GALNT2: variants seen among roughly 807,000 people sequenced by gnomAD.
GALNT2 encodes UDP-GalNAc:polypeptide N-acetylgalactosaminyltransferase 2.
A neutral mutation model predicts 81.4 loss-of-function variants in GALNT2; 31 were observed. The ratio of observed to expected loss-of-function variants is 0.38; its 90% CI spans 0.29 to 0.51. The LOEUF (loss-of-function observed/expected upper bound fraction) is 0.51, where lower values mean the gene tolerates loss of function less well. Ranked by LOEUF, GALNT2 falls within the 20% of genes least tolerant of loss-of-function variation. GALNT2 has a pLI of 0.87. For synonymous variants in GALNT2, 303 were observed against 287.4 expected (o/e 1.05, Z -0.55); for missense variants, 629 against 765.7 (o/e 0.82, Z 2.11).
intron 1 of GALNT2, among the ~76,000 whole-genome samples, chr1:230,166,191 G>A (rs1362938102): frequency 6.6e-6 from 1 of 151,976 alleles, no homozygotes; most frequent in African/African-American, 2.4e-5. Context: ...TGGGGTAATA[G>A]TCACACAGCT....
At chr1:230,214,001 C>G (rs1025020881) in intron 3 of GALNT2, among the ~76,000 whole-genome samples, 1 of 152,078 alleles carries the variant, frequency 6.6e-6, no homozygotes, top group African/African-American at 2.4e-5. Context: ...TCTTATATTT[C>G]TATTTTTCTA....
At chr1:230,167,042 G>A (rs1233943647) in intron 1 of GALNT2, among the ~76,000 whole-genome samples, 3 of 151,442 alleles carry the variant, frequency 2.0e-5, no homozygotes, top group East Asian at 1.9e-4. Context: ...TTTCCATTTC[G>A]TTTGTAACCC....
chr1:230,197,347 G>A lies in GALNT2; in HGVS notation c.221-5790G>A, dbSNP rs139850698. Among the ~76,000 whole-genome samples the A allele has an allele frequency of 9.0e-3, 1,367 of 152,286 alleles. 7 individuals carry two copies. The highest frequency in any genetic ancestry group is 0.013 in the Non-Finnish European group (865 of 68,024). On this transcript the variant is annotated intron_variant, in intron 2 of 15. Coordinates refer to ENST00000366672, the MANE Select transcript of GALNT2 (RefSeq NM_004481.5). Reference sequence around the variant, plus strand: ...GGGCATGAATTCAGTGCATCCGCAGGTCTGTACCCCTGCTCGCCTGGGCAG... The same window carrying A: ...GGGCATGAATTCAGTGCATCCGCAGATCTGTACCCCTGCTCGCCTGGGCAG...
rs1459956183 is a variant in GALNT2, at chr1:230,243,775, G to T, written c.729+348G>T. Among the ~76,000 whole-genome samples the T allele has an allele frequency of 6.6e-6, 1 of 152,152 alleles. No homozygotes were observed. Among genetic ancestry groups the T allele is most frequent in the Non-Finnish European group, 1.5e-5 (1 of 68,036 alleles). ...AGCTTCGCAGAGTGCTTAGAACATT[G>T]CCCGGCACCTAGCAAGTGCCATCTC... On this transcript the variant is annotated intron_variant, in intron 7 of 15. Transcript: ENST00000366672. The surrounding 1 kb of genome is among the most constrained non-coding windows in gnomAD (Gnocchi z 4.2).
At chr1:230,160,725 A>AT (rs1431762910) in intron 1 of GALNT2, among the ~76,000 whole-genome samples, 7 of 148,120 alleles carry the variant, frequency 4.7e-5, no homozygotes, top group Admixed American at 4.1e-4. Flanking sequence ...AAAAAAAAAC[A>AT]CGAAACTTTC....
chr1:230,260,108 A>G (rs551241236), intron 11 of GALNT2, among the ~76,000 whole-genome samples: 255 of 152,256 alleles, frequency 1.7e-3, no homozygotes, highest in African/African-American at 6.1e-3. Context: ...TCACTATCTC[A>G]TGTTGGTGCT....
chr1:230,160,518 C>T (rs2102846205), intron 1 of GALNT2, among the ~76,000 whole-genome samples: 1 of 152,116 alleles, frequency 6.6e-6, no homozygotes, highest in South Asian at 2.1e-4. Context: ...TTGAGACCAC[C>T]CTGGCCAACA....
In GALNT2 at chr1:230,246,107, G is replaced by A; in HGVS notation, c.774G>A (p.Met258Ile). The A allele has an allele frequency of 1.2e-6, 2 of 1,614,048 alleles. No individual in the cohort carries two copies. Among genetic ancestry groups the A allele is most frequent in the Non-Finnish European group, 1.7e-6 (2 of 1,179,988 alleles). The change falls in exon 8 of 16, where the codon ATG becomes ATA. Residue 258 changes from methionine (M) to isoleucine (I), a missense_variant. This residue lies in a region of GALNT2 where 360 missense variants were observed against 492.8 expected (regional missense o/e 0.73). Coordinates refer to ENST00000366672, the MANE Select transcript of GALNT2 (RefSeq NM_004481.5). ...VVSPIIDVIN[M>I]DNFQYVGASA... ...CACCCATCATCGATGTCATTAATAT[G>A]GACAACTTTCAGTATGTGGGGGCAT... is the stretch of plus-strand genomic sequence containing the variant.
intron 1 of GALNT2, among the ~76,000 whole-genome samples, chr1:230,125,429 G>C (rs549542320): frequency 1.3e-5 from 2 of 152,198 alleles, no homozygotes; most frequent in East Asian, 3.8e-4. Context: ...GTTTGACAGC[G>C]TCACATATTT....
chr1:230,098,374 A>C (rs1660310136), intron 1 of GALNT2, among the ~76,000 whole-genome samples: 1 of 152,074 alleles, frequency 6.6e-6, no homozygotes, highest in Admixed American at 6.6e-5. Flanking sequence ...TGTAGTGCAG[A>C]GATTTGCTAT....
intron 11 of GALNT2, among the ~76,000 whole-genome samples, chr1:230,260,272 C>T (rs371524480): frequency 2.6e-5 from 4 of 152,180 alleles, no homozygotes; most frequent in East Asian, 3.8e-4. Flanking sequence ...GAGTCTCCCT[C>T]GGTGCCACTG....
At chr1:230,159,200 A>T (rs1662355368) in intron 1 of GALNT2, among the ~76,000 whole-genome samples, 1 of 152,184 alleles carries the variant, frequency 6.6e-6, no homozygotes, top group African/African-American at 2.4e-5. Context: ...TTTGCTGTTG[A>T]TGTGAGGCTT....
Position 230,117,215 on chromosome 1 carries a change from T to C in GALNT2, c.126+49809T>C, listed in dbSNP as rs531341400. Among the ~76,000 whole-genome samples the C allele has an allele frequency of 3.3e-5, 5 of 152,362 alleles. No individual in the cohort carries two copies. In the East Asian group the frequency reaches 7.7e-4, roughly 23 times the overall value. ...CTTCCTCACACACGGTTAGCTTTCA[T>C]AGAATTGAGGAGAGTAAGGGCCTTG... is the stretch of plus-strand genomic sequence containing the variant. On this transcript the variant is annotated intron_variant, in intron 1 of 15. Transcript: ENST00000366672.
At chr1:230,158,040 G>C (rs1033053450) in intron 1 of GALNT2, among the ~76,000 whole-genome samples, 3 of 152,200 alleles carry the variant, frequency 2.0e-5, no homozygotes, top group African/African-American at 7.2e-5. Flanking sequence ...GAAGGATCTT[G>C]TTGTATGTGG....
chr1:230,232,311 A>C (rs1664889866), intron 3 of GALNT2, among the ~76,000 whole-genome samples: 1 of 152,208 alleles, frequency 6.6e-6, no homozygotes, highest in South Asian at 2.1e-4. Flanking sequence ...TCTCAGCAAA[A>C]ATGGATGCCT....
intron 1 of GALNT2, among the ~76,000 whole-genome samples, chr1:230,071,506 G>A (rs1659374538): frequency 6.6e-6 from 1 of 152,150 alleles, no homozygotes; most frequent in South Asian, 2.1e-4. Flanking sequence ...GAGCTCCACT[G>A]CTCTCCCTCT....
At chr1:230,152,145 G>A (rs979088007) in intron 1 of GALNT2, among the ~76,000 whole-genome samples, 1 of 152,166 alleles carries the variant, frequency 6.6e-6, no homozygotes, top group Non-Finnish European at 1.5e-5. Context: ...TGCCTTAACT[G>A]TCTGGGAATG....
intron 3 of GALNT2, among the ~76,000 whole-genome samples, chr1:230,231,712 TA>T (rs1489042689): frequency 6.6e-6 from 1 of 152,208 alleles, no homozygotes; most frequent in Non-Finnish European, 1.5e-5. Context: ...AATTTAAAGC[TA>T]AATAAAGGAT....
At chr1:230,256,930 T>C (rs1665733296) in intron 11 of GALNT2, among the ~76,000 whole-genome samples, 1 of 151,934 alleles carries the variant, frequency 6.6e-6, no homozygotes, top group Non-Finnish European at 1.5e-5. Flanking sequence ...TGAGGAGGTG[T>C]TATGTGAGTT....
Sources: allele counts gnomAD v4.1 joint callset (sites outside exome capture counted in the v4.1 genomes callset), GRCh38; gene constraint gnomAD v4.1.1; regional missense constraint gnomAD v4.1.1; non-coding constraint Gnocchi (gnomAD v3.1); transcripts MANE v1.5; gene names NCBI Gene and HGNC (gene_info 2026-07-23, HGNC 2026-07-21).